The following DCAF8 variants were observed in gnomAD, a reference collection of about 807,000 sequenced individuals.
DCAF8 encodes the protein DDB1- and CUL4-associated factor 8.
Under a neutral mutation model 68.0 loss-of-function variants are expected in DCAF8, and 20 were observed. The observed-to-expected ratio is 0.29, with a 90% CI of 0.21 to 0.43. The LOEUF (loss-of-function observed/expected upper bound fraction) is 0.43. Among genes scored for constraint, DCAF8 ranks in the 20% least tolerant of loss-of-function variants. The probability of loss-of-function intolerance (pLI) is 1.00; values close to 1 mark genes in which losing one functional copy is unlikely to be tolerated. For synonymous variants in DCAF8, 230 were observed against 276.9 expected, an observed-to-expected ratio of 0.83 and a Z score of 1.68; for missense variants, 460 against 771.0, an observed-to-expected ratio of 0.60 and a Z score of 4.78.
chr1:160,236,279 C>CACACAT (rs780727897), intron 6 of DCAF8, among the ~76,000 whole-genome samples: 1 of 151,362 alleles, frequency 6.6e-6, no homozygotes, highest in African/African-American at 2.4e-5. Context: ...CACACACATA[C>CACACAT]ATACACGTAC....
chr1:160,253,647 CAAAAAAAAAAAAAAA>C (rs747211563), intron 2 of DCAF8, among the ~76,000 whole-genome samples: 19 of 26,952 alleles, frequency 7.0e-4, no homozygotes, highest in South Asian at 6.5e-3. Context: ...GACTCCATCT[CAAAAAAAAAAAAAAA>C]AAAAAAAAAA....
At chr1:160,260,329 T>C (rs979042597) in intron 2 of DCAF8, among the ~76,000 whole-genome samples, 52 of 152,166 alleles carry the variant, frequency 3.4e-4, no homozygotes, top group African/African-American at 1.2e-3. Flanking sequence ...GTCTGTCCAA[T>C]CTCTAAAGAC....
At chr1:160,261,509 C>G (rs1385290384) in intron 1 of DCAF8, 151 bp from the exon 2 acceptor site, 2 of 152,150 alleles carry the variant, frequency 1.3e-5, no homozygotes, top group Non-Finnish European at 2.9e-5. Context: ...ACAAATAACC[C>G]ACACACATAT....
chr1:160,218,222 G>A (rs572248883), intron 13 of DCAF8, 102 bp downstream of exon 13: 15 of 875,476 alleles, frequency 1.7e-5, no homozygotes, highest in East Asian at 1.7e-4. Flanking sequence ...TAGGAAATCC[G>A]ACCAAGATCA....
chr1:160,234,840 C>A (rs1050471425), intron 6 of DCAF8, among the ~76,000 whole-genome samples: 1 of 152,268 alleles, frequency 6.6e-6, no homozygotes, highest in Admixed American at 6.5e-5. Flanking sequence ...GTCATTTAGG[C>A]TTGTTCCATT....
chr1:160,256,903 A>T (rs906372552), intron 2 of DCAF8, among the ~76,000 whole-genome samples: 3 of 146,786 alleles, frequency 2.0e-5, no homozygotes, highest in Admixed American at 6.7e-5. Context: ...AGGTAGAGAT[A>T]AAAAAAAACT....
At chr1:160,243,134 T>C (rs1160226591) in intron 3 of DCAF8, among the ~76,000 whole-genome samples, 2 of 152,194 alleles carry the variant, frequency 1.3e-5, no homozygotes, top group Non-Finnish European at 2.9e-5. Context: ...AGGCGGCTTC[T>C]CTAATTTAAA....
intron 2 of DCAF8, among the ~76,000 whole-genome samples, chr1:160,250,118 A>G (rs1656516022): frequency 6.6e-6 from 1 of 152,188 alleles, no homozygotes; most frequent in Non-Finnish European, 1.5e-5. Flanking sequence ...CCAACTCAAA[A>G]AAGGATAAAT....
At chr1:160,253,236 C>T (rs1156450401) in intron 2 of DCAF8, among the ~76,000 whole-genome samples, 1 of 152,168 alleles carries the variant, frequency 6.6e-6, no homozygotes, top group African/African-American at 2.4e-5. Context: ...CGCAGTGACT[C>T]ATGCCTGTAA....
At chr1:160,219,786 G>T (rs1458646105) in intron 11 of DCAF8, 3 of 152,196 alleles carry the variant, frequency 2.0e-5, no homozygotes, top group African/African-American at 7.2e-5. Context: ...GTCTGACTTG[G>T]AAACATGAGC....
intron 11 of DCAF8, chr1:160,220,941 G>GATCA (rs1655275784): frequency 6.6e-6 from 1 of 152,180 alleles, no homozygotes; most frequent in Non-Finnish European, 1.5e-5. Flanking sequence ...AGACCACATC[G>GATCA]ATCATTCAGC....
Position 160,222,665 on chromosome 1 carries a change from C to T in DCAF8, c.1426G>A (p.Asp476Asn), listed in dbSNP as rs1557829230. ...SCQIIQFMEGDKGGVVNCLEP... is the reference protein window; with the variant it reads ...SCQIIQFMEGNKGGVVNCLEP... ...ACCATACTCACCACGCCTCCCTTGT[C>T]CCCCTCCATGAACTGAATAATCTGG... The change falls in exon 11 of 14, where the codon GAC (aspartate) becomes AAC (asparagine). Residue 476 changes from aspartate to asparagine, a missense_variant. Asp to Asn is a conservative substitution (Grantham distance 23). Around this residue, in one of 8 missense-constraint regions of DCAF8, gnomAD observed 30 missense variants for 69.6 expected, o/e 0.43. Transcript: ENST00000368074. The T allele has an allele frequency of 6.2e-7, 1 of 1,613,984 alleles. No homozygotes were observed. Among genetic ancestry groups the T allele is most frequent in the African/African-American group, 1.3e-5 (1 of 74,906 alleles).
At chr1:160,236,442 GTGTGTA>G (rs1191618296) in intron 6 of DCAF8, among the ~76,000 whole-genome samples, 127 of 152,058 alleles carry the variant, frequency 8.4e-4, no homozygotes, top group African/African-American at 2.9e-3. Context: ...ATGTGTGTGT[GTGTGTA>G]TATATATATA....
At position 160,225,101 on chromosome 1, in the gene DCAF8, C is replaced by A; in HGVS notation, c.1162G>T (p.Ala388Ser). Residue 388 changes from alanine to serine, a missense_variant, in exon 9 of 14, where the codon GCA (alanine) becomes TCA (serine). Around this residue, in one of 8 missense-constraint regions of DCAF8, gnomAD observed 170 missense variants for 318.2 expected, o/e 0.53. Coordinates refer to ENST00000368074, the MANE Select transcript of DCAF8 (RefSeq NM_015726.4). ...PHHLVNSESKANITCLVYSHD... is the reference protein window; with the variant it reads ...PHHLVNSESKSNITCLVYSHD... ...CTGTACACAAGACAGGTGATGTTTGCTTTGGACTCACTGTTCACCTGCAAT... is the reference window on the plus strand; with the variant it reads ...CTGTACACAAGACAGGTGATGTTTGATTTGGACTCACTGTTCACCTGCAAT... 6.2e-7 allele frequency: 1 copy of A among 1,614,148 alleles called. No homozygotes were observed. Among genetic ancestry groups the A allele is most frequent in the Non-Finnish European group, 8.5e-7 (1 of 1,180,020 alleles).
At chr1:160,244,066 T>C in intron 2 of DCAF8, 32 bp from the exon 3 acceptor site, 1 of 1,514,392 alleles carries the variant, frequency 6.6e-7, no homozygotes. Context: ...ACCAAAACAA[T>C]TAGGAAACCA....
In DCAF8 at chr1:160,239,064, TTTGA is replaced by T. The variant is rs1442963659; in HGVS notation, c.724-321_724-318del. 4 of 713,212 alleles carry T rather than the reference TTTGA, an allele frequency of 5.6e-6. No individual in the cohort carries two copies. In the African/African-American group the frequency reaches 7.6e-5, roughly 14 times the overall value. The allele number at this position is 713,212 out of a possible 1,614,324, so 44.2% of individuals were successfully genotyped here. On this transcript the variant is annotated intron_variant, in intron 4 of 13. Transcript: ENST00000368074. Reference sequence around the variant, plus strand: ...AAGGAATAGAGGAGGAAAAATCTACTTTGATTAAGAAAGTAAATATAAATTTGCT... The same window carrying T: ...AAGGAATAGAGGAGGAAAAATCTACTTTAAGAAAGTAAATATAAATTTGCT...
At chr1:160,249,146 G>A (rs949358885) in intron 2 of DCAF8, among the ~76,000 whole-genome samples, 12 of 151,950 alleles carry the variant, frequency 7.9e-5, no homozygotes, top group African/African-American at 2.4e-4. Context: ...AGCTGAGATC[G>A]CACCACTGCA....
intron 7 of DCAF8, 45 bp from the exon 8 acceptor site, chr1:160,225,708 AC>A: frequency 6.6e-7 from 1 of 1,505,526 alleles, no homozygotes. Flanking sequence ...TACAAACGAA[AC>A]CCTTGAAGAG....
intron 2 of DCAF8, among the ~76,000 whole-genome samples, chr1:160,245,012 G>A (rs1164154831): frequency 6.6e-6 from 1 of 152,174 alleles, no homozygotes; most frequent in African/African-American, 2.4e-5. Context: ...AAGTTGTTTT[G>A]TTTCCCTTAG....
Sources: allele counts gnomAD v4.1 joint callset (sites outside exome capture counted in the v4.1 genomes callset), GRCh38; gene constraint gnomAD v4.1.1; regional missense constraint gnomAD v4.1.1; transcripts MANE v1.5; gene names NCBI Gene and HGNC (gene_info 2026-07-23, HGNC 2026-07-21).